Variants in POPDC3 observed in about 807,000 individuals in gnomAD.
POPDC3 encodes popeye domain-containing protein 3.
In POPDC3, 20 loss-of-function variants were observed where a neutral mutation model predicts 28.2. That is an observed-to-expected ratio of 0.71 (90% CI 0.50 to 1.03). The LOEUF (loss-of-function observed/expected upper bound fraction) is 1.03. POPDC3 is among the 50% of genes least tolerant of loss of function. The pLI is 0.00. For synonymous variants in POPDC3, 118 were observed against 124.1 expected (o/e 0.95, Z 0.33); for missense variants, 316 against 345.9 (o/e 0.91, Z 0.69).
In POPDC3 at chr6:105,158,473, T is replaced by C. The variant is rs750769346; in HGVS notation, c.873A>G (p.Lys291=). 3 of 1,605,796 alleles carry C rather than the reference T, an allele frequency of 1.9e-6. No homozygotes were observed. The South Asian group carries it at 3.3e-5, about 18-fold the overall frequency. Residue 291 remains lysine (K), a synonymous_variant, in exon 4 of 4, where the codon AAA becomes AAG. Coordinates refer to ENST00000254765, the MANE Select transcript of POPDC3 (RefSeq NM_022361.5). The stretch of plus-strand genomic sequence containing the variant: ...TTATAAATTTCAGACTTTGATGTCA[T>C]TTATCACAGTATCGTCTGGAATTCT... ...HFQNSRRYCD[K]
chr6:105,178,950 G>A, intron 1 of POPDC3: 1 of 985,446 alleles, frequency 1.0e-6, no homozygotes, highest in Non-Finnish European at 1.2e-6. Context: ...CGGAATTAGA[G>A]TGAAAAGTCA....
chr6:105,161,918 TA>T lies in POPDC3; in HGVS notation c.-10del, dbSNP rs770824112. 1.3e-6 allele frequency: 2 copies of T among 1,576,838 alleles called. No homozygotes were observed. Among genetic ancestry groups the T allele is most frequent in the East Asian group, 2.2e-5 (1 of 44,650 alleles). On this transcript the variant is annotated 5_prime_UTR_variant, in exon 2 of 4. Transcript: ENST00000254765. ...CTTGAATTTCTTTCCATGGCTGTATTACTGCCTGCTTCACTTTTCAGTTGAC... is the reference window on the plus strand; with the variant it reads ...CTTGAATTTCTTTCCATGGCTGTATTCTGCCTGCTTCACTTTTCAGTTGAC...
rs1582989146 is a variant in POPDC3, at chr6:105,161,455, A to G, written c.455T>C (p.Ile152Thr). 1.1e-5 allele frequency: 17 copies of G among 1,613,928 alleles called. No homozygotes were observed. The highest frequency in any genetic ancestry group is 1.4e-5 in the Non-Finnish European group (17 of 1,179,892). Residue 152 changes from isoleucine (I) to threonine (T), a missense_variant, in exon 2 of 4, where the codon ATT becomes ACT. Physicochemically the swap from Ile to Thr is moderately conservative, Grantham distance 89. Coordinates refer to ENST00000254765, the MANE Select transcript of POPDC3 (RefSeq NM_022361.5). ...TGAAACAAGCAAGGAGAGTTTATCA[A>G]TGGAAGTTTTCCCCTGCATGGCATA... ...HCYAMQGKTSIDKLSLLVSGR... is the reference protein window; with the variant it reads ...HCYAMQGKTSTDKLSLLVSGR...
chr6:105,166,861 T>C (rs1051190112), intron 1 of POPDC3, among the ~76,000 whole-genome samples: 1 of 96,548 alleles, frequency 1.0e-5, no homozygotes, highest in Non-Finnish European at 2.2e-5. Flanking sequence ...AAAATGAACA[T>C]AGATGGTTGT....
chr6:105,158,432 G>C lies in POPDC3; in HGVS notation c.*38C>G. ...ATTTCACTGGGGAATGATGAAGAGA[G>C]AGTCTTTTTTTATACTTATAAATTT... On this transcript the variant is annotated 3_prime_UTR_variant, in exon 4 of 4. Coordinates refer to ENST00000254765, the MANE Select transcript of POPDC3 (RefSeq NM_022361.5). 6.6e-7 allele frequency: 1 copy of C among 1,508,270 alleles called. No homozygotes were observed. The highest frequency in any genetic ancestry group is 9.0e-7 in the Non-Finnish European group (1 of 1,117,208). 93.4% of individuals were successfully genotyped at this position (1,508,270 alleles called of 1,614,324 possible).
At chr6:105,161,397 A>C (rs1435104330) in intron 2 of POPDC3, 28 bp downstream of exon 2, 1 of 1,588,446 alleles carries the variant, frequency 6.3e-7, no homozygotes, top group Admixed American at 1.8e-5. Context: ...TACTTGAGGA[A>C]AGACATGCAA....
At chr6:105,159,143 A>C (rs868803203) in intron 3 of POPDC3, 3 of 165,952 alleles carry the variant, frequency 1.8e-5, no homozygotes, top group Admixed American at 6.1e-5. Context: ...CAGAATTTAT[A>C]TACCTAATTT....
At position 105,177,331 on chromosome 6, in the gene POPDC3, G is replaced by GT. The variant is rs992645952; in HGVS notation, c.-252+2501dup. 8.3e-3 allele frequency among the ~76,000 whole-genome samples: 1,254 copies of GT among 150,380 alleles called. 15 individuals carry two copies. The highest frequency in any genetic ancestry group is 0.029 in the African/African-American group (1,174 of 41,054). On this transcript the variant is annotated intron_variant, in intron 1 of 3. Coordinates refer to ENST00000254765, the MANE Select transcript of POPDC3 (RefSeq NM_022361.5). Reference sequence around the variant, plus strand: ...GACTAGAAATAACTCAAAGTGTGGGGTTTTTTTTTCAGATTCACACTTAAA... The same window carrying GT: ...GACTAGAAATAACTCAAAGTGTGGGGTTTTTTTTTTCAGATTCACACTTAAA...
At chr6:105,162,402 G>A (rs1272007013) in intron 1 of POPDC3, among the ~76,000 whole-genome samples, 4 of 152,188 alleles carry the variant, frequency 2.6e-5, no homozygotes, top group African/African-American at 9.7e-5. Flanking sequence ...CTCTATGGGA[G>A]TGATTCAGTG....
chr6:105,163,249 C>A lies in POPDC3; in HGVS notation c.-251-1089G>T, dbSNP rs188627545. Among the ~76,000 whole-genome samples, 136 of 152,166 alleles carry A rather than the reference C, an allele frequency of 8.9e-4. 2 individuals carry two copies. The South Asian group carries it at 0.012, about 14-fold the overall frequency. On this transcript the variant is annotated intron_variant, in intron 1 of 3. Transcript: ENST00000254765. ...ATATGATGAAATAAATATTAATATT[C>A]CTGTTACTTACATATTTATTTATCA...
intron 3 of POPDC3, chr6:105,158,969 A>T (rs1165865385): frequency 1.0e-5 from 4 of 393,790 alleles, no homozygotes; most frequent in Non-Finnish European, 1.8e-5. Flanking sequence ...AGCCATCTTC[A>T]ATCTGTCTGT....
Position 105,162,084 on chromosome 6 carries a change from T to A in POPDC3, c.-175A>T. On this transcript the variant is annotated 5_prime_UTR_variant, in exon 2 of 4. It removes the in-frame stop codon of an upstream open reading frame in the 5' UTR. Transcript: ENST00000254765. The stretch of plus-strand genomic sequence containing the variant: ...TTCGTGTGTACGGATCTTGAAAAAC[T>A]AAGAATCCCATGCTCGCTTCTTTAA... 5.9e-6 allele frequency: 8 copies of A among 1,345,768 alleles called. No individual in the cohort carries two copies. Among genetic ancestry groups the A allele is most frequent in the Non-Finnish European group, 6.6e-6 (7 of 1,054,650 alleles). 83.4% of individuals were successfully genotyped at this position (1,345,768 alleles called of 1,614,324 possible). A position where few individuals can be genotyped will look rare whatever the true frequency, so the allele number is the denominator to read the frequency against.
intron 3 of POPDC3, among the ~76,000 whole-genome samples, chr6:105,159,236 A>AT (rs1452418153): frequency 6.6e-6 from 1 of 152,250 alleles, no homozygotes; most frequent in Non-Finnish European, 1.5e-5. Flanking sequence ...TGCTGAAATG[A>AT]TTATCTTTCA....
rs770763097 is a variant in POPDC3 at position 105,158,539 on chromosome 6, T to A, written c.807A>T (p.Ser269=). ...DIRLPNFYQM[S]TPEIRRSPLT... ...GGGGTGATCTGCGTATTTCTGGAGT[T>A]GACATTTGATAGAAGTTGGGTAGCC... The change falls in exon 4 of 4, where the codon TCA becomes TCT. Residue 269 remains serine (S), a synonymous_variant. Transcript: ENST00000254765. The A allele has an allele frequency of 1.4e-5, 22 of 1,614,130 alleles. No homozygotes were observed. Among genetic ancestry groups the A allele is most frequent in the Non-Finnish European group, 1.9e-5 (22 of 1,179,968 alleles).
intron 1 of POPDC3, among the ~76,000 whole-genome samples, chr6:105,168,096 A>G (rs1044526226): frequency 6.6e-6 from 1 of 152,246 alleles, no homozygotes; most frequent in African/African-American, 2.4e-5. Context: ...CAACATTCAT[A>G]TGCTGCCATC....
At chr6:105,166,490 C>A in intron 1 of POPDC3, 1 of 455,002 alleles carries the variant, frequency 2.2e-6, no homozygotes. Flanking sequence ...GGAAAAGAGA[C>A]ACCAGAACAT....
At chr6:105,165,176 C>T (rs1436989409) in intron 1 of POPDC3, among the ~76,000 whole-genome samples, 1 of 152,214 alleles carries the variant, frequency 6.6e-6, no homozygotes, top group East Asian at 1.9e-4. Context: ...AGTGCCAGCT[C>T]TCAAGACTGT....
chr6:105,158,547 G>T lies in POPDC3; in HGVS notation c.799C>A (p.Gln267Lys). 6.2e-7 allele frequency: 1 copy of T among 1,614,002 alleles called. No individual in the cohort carries two copies. Among genetic ancestry groups the T allele is most frequent in the Non-Finnish European group, 8.5e-7 (1 of 1,179,920 alleles). The change falls in exon 4 of 4, where the codon CAA (glutamine) becomes AAA (lysine). Residue 267 changes from glutamine (Q) to lysine (K), a missense_variant. Gln to Lys is a moderately conservative substitution (Grantham distance 53, BLOSUM62 1). Coordinates refer to ENST00000254765, the MANE Select transcript of POPDC3 (RefSeq NM_022361.5). Reference sequence around the variant, plus strand: ...CTGCGTATTTCTGGAGTTGACATTTGATAGAAGTTGGGTAGCCGAATATCA... The same window carrying T: ...CTGCGTATTTCTGGAGTTGACATTTTATAGAAGTTGGGTAGCCGAATATCA... ...HYDIRLPNFYQMSTPEIRRSP... is the reference protein window; with the variant it reads ...HYDIRLPNFYKMSTPEIRRSP...
chr6:105,165,630 G>A (rs1582992710), intron 1 of POPDC3, among the ~76,000 whole-genome samples: 1 of 152,320 alleles, frequency 6.6e-6, no homozygotes, highest in East Asian at 1.9e-4. Context: ...AAACACAGAG[G>A]AGCTGGGGCA....
Sources: gnomAD v4.1 joint callset for allele counts (sites outside exome capture counted in the v4.1 genomes callset) on GRCh38, gnomAD v4.1.1 for gene constraint, MANE v1.5 for transcripts, NCBI Gene and HGNC (gene_info 2026-07-23, HGNC 2026-07-21) for gene names.